ARHGEF18: variants seen among roughly 807,000 people sequenced by gnomAD.
The protein encoded by ARHGEF18 is Rho/Rac guanine nucleotide exchange factor 18.
ARHGEF18 carries 93 observed loss-of-function variants against 155.7 expected under a neutral mutation model. The observed-to-expected ratio is 0.60, with a 90% CI of 0.50 to 0.71. The LOEUF (loss-of-function observed/expected upper bound fraction) is 0.71, where lower values mean the gene tolerates loss of function less well. ARHGEF18 is among the 30% of genes least tolerant of loss of function. ARHGEF18 has a pLI of 0.00. For synonymous variants in ARHGEF18, 742 were observed against 753.1 expected, an observed-to-expected ratio of 0.99 and a Z score of 0.24; for missense variants, 1,593 against 1,816.1, an observed-to-expected ratio of 0.88 and a Z score of 2.23.
intron 10 of ARHGEF18, among the ~76,000 whole-genome samples, chr19:7,403,626 G>A (rs984612168): frequency 4.1e-5 from 6 of 148,048 alleles, no homozygotes; most frequent in African/African-American, 1.5e-4. Flanking sequence ...AAGCCTTGAC[G>A]TCCTGGGCGC....
At chr19:7,425,759 G>A (rs1480077910) in intron 10 of ARHGEF18, among the ~76,000 whole-genome samples, 1 of 151,760 alleles carries the variant, frequency 6.6e-6, no homozygotes, top group Non-Finnish European at 1.5e-5. Context: ...CAGCACTTTG[G>A]GAGACCAAGG....
the ARHGEF18 span, among the ~76,000 whole-genome samples, chr19:7,479,525 T>C: frequency 6.6e-6 from 1 of 152,110 alleles, no homozygotes; most frequent in Non-Finnish European, 1.5e-5. Context: ...CCCAGGCATC[T>C]CCATTTAGCA....
intron 10 of ARHGEF18, among the ~76,000 whole-genome samples, chr19:7,414,817 A>G (rs1435160563): frequency 1.5e-5 from 2 of 132,822 alleles, no homozygotes; most frequent in African/African-American, 2.6e-5. Context: ...AAAAAAAAGA[A>G]AAAAACAAAA....
At chr19:7,388,830 C>T (rs373803161) in intron 10 of ARHGEF18, among the ~76,000 whole-genome samples, 3 of 152,064 alleles carry the variant, frequency 2.0e-5, no homozygotes, top group Non-Finnish European at 4.4e-5. Context: ...ATCCACCCCC[C>T]TCAGCCTTCC....
intron 2 of ARHGEF18, among the ~76,000 whole-genome samples, chr19:7,371,820 C>CA (rs11407900): frequency 0.17 from 23,744 of 138,360 alleles, 5,556 homozygotes; most frequent in African/African-American, 0.52. Context: ...GACTCCATCT[C>CA]AAAAAAAAAA....
At chr19:7,476,856 C>T (rs1305353872), downstream of ARHGEF18, 3 of 261,420 alleles carry the variant, frequency 1.1e-5, no homozygotes, top group Non-Finnish European at 1.4e-5. Context: ...GTGTAATAAC[C>T]TTCACCCCTG....
chr19:7,381,079 T>A (rs757131320), intron 8 of ARHGEF18, 85 bp downstream of exon 8: 3 of 1,061,534 alleles, frequency 2.8e-6, no homozygotes, highest in Non-Finnish European at 3.6e-6. Context: ...AGACCCCCCA[T>A]GCTGGGGGCA....
intron 15 of ARHGEF18, among the ~76,000 whole-genome samples, chr19:7,447,886 C>G (rs1382365095): frequency 1.3e-5 from 2 of 151,966 alleles, no homozygotes. Flanking sequence ...CCCAGCTACT[C>G]CAGCCGCTAA....
chr19:7,394,581 C>T (rs1395101639), intron 10 of ARHGEF18, among the ~76,000 whole-genome samples: 1 of 151,720 alleles, frequency 6.6e-6, no homozygotes, highest in African/African-American at 2.4e-5. Context: ...CCTCGGGGTC[C>T]CCCAACTCCG....
At chr19:7,356,687 A>G (rs1306846436) in intron 1 of ARHGEF18, among the ~76,000 whole-genome samples, 1 of 152,196 alleles carries the variant, frequency 6.6e-6, no homozygotes, top group Non-Finnish European at 1.5e-5. Context: ...AAAGCTGGTC[A>G]TGCACTCATT....
At chr19:7,466,381 CAAAAAAAA>C (rs3030730) in intron 23 of ARHGEF18, among the ~76,000 whole-genome samples, 11 of 98,526 alleles carry the variant, frequency 1.1e-4, no homozygotes, top group South Asian at 3.2e-4. Flanking sequence ...AACTCCATCT[CAAAAAAAA>C]AAAAAAAAAA....
At chr19:7,391,403 C>G (rs55646376) in intron 10 of ARHGEF18, among the ~76,000 whole-genome samples, 1 of 152,116 alleles carries the variant, frequency 6.6e-6, no homozygotes, top group Non-Finnish European at 1.5e-5. Flanking sequence ...ACAGACACCA[C>G]GCCAGACAGT....
At chr19:7,432,510 A>C (rs931450862) in intron 10 of ARHGEF18, among the ~76,000 whole-genome samples, 1 of 152,112 alleles carries the variant, frequency 6.6e-6, no homozygotes, top group Non-Finnish European at 1.5e-5. Context: ...GGGTCTCACT[A>C]CGTCGCCCAG....
intron 7 of ARHGEF18, among the ~76,000 whole-genome samples, chr19:7,380,579 G>C (rs1030664752): frequency 3.3e-5 from 5 of 152,106 alleles, no homozygotes; most frequent in Non-Finnish European, 7.4e-5. Context: ...AGCTACTCAG[G>C]AGACTGAGGC....
intron 10 of ARHGEF18, among the ~76,000 whole-genome samples, chr19:7,405,456 C>A (rs1972255052): frequency 6.6e-6 from 1 of 152,170 alleles, no homozygotes; most frequent in Non-Finnish European, 1.5e-5. Context: ...AAATTTCATC[C>A]CGAGATCCTT....
chr19:7,434,972 CG>C (rs1364178645), intron 10 of ARHGEF18, among the ~76,000 whole-genome samples: 1 of 152,160 alleles, frequency 6.6e-6, no homozygotes, highest in East Asian at 1.9e-4. Context: ...GAGGCCAAGG[CG>C]GGCGGATCAC....
intron 10 of ARHGEF18, among the ~76,000 whole-genome samples, chr19:7,401,129 C>A (rs924905432): frequency 3.4e-4 from 52 of 152,234 alleles, no homozygotes; most frequent in East Asian, 2.3e-3. Context: ...TAGTGACGGA[C>A]CAGGTAGAAT....
At chr19:7,349,285 G>A (rs1331319483) in intron 1 of ARHGEF18, 44 bp downstream of exon 1, 1 of 152,498 alleles carries the variant, frequency 6.6e-6, no homozygotes, top group African/African-American at 2.4e-5. Context: ...GACCCATCGG[G>A]ACAGAGTGGC....
At chr19:7,418,648 T>G (rs1332619431) in intron 10 of ARHGEF18, among the ~76,000 whole-genome samples, 3 of 151,600 alleles carry the variant, frequency 2.0e-5, no homozygotes, top group African/African-American at 7.3e-5. Flanking sequence ...GGAGGCAGGG[T>G]GCAGTTAGGT....
Sources: gnomAD v4.1 joint callset for allele counts (sites outside exome capture counted in the v4.1 genomes callset) on GRCh38, gnomAD v4.1.1 for gene constraint, MANE v1.5 for transcripts, NCBI Gene and HGNC (gene_info 2026-07-23, HGNC 2026-07-21) for gene names.